Variants in AGAP1 observed in about 807,000 individuals in gnomAD.
The protein encoded by AGAP1 is ArfGAP with GTPase domain, ankyrin repeat and PH domain 1, also known as arf-GAP with GTPase, ANK repeat and PH domain-containing protein 1.
AGAP1 carries 29 observed loss-of-function variants against 105.3 expected under a neutral mutation model. The ratio of observed to expected loss-of-function variants is 0.28; its 90% CI spans 0.21 to 0.38. The LOEUF is 0.38. Ranked by LOEUF, AGAP1 falls within the 10% of genes least tolerant of loss-of-function variation. AGAP1 has a pLI of 1.00. For synonymous variants in AGAP1, 509 were observed against 485.9 expected (o/e 1.05, Z -0.63); for missense variants, 998 against 1,165.1 (o/e 0.86, Z 2.09).
rs1003260240 is a variant in AGAP1, at chr2:235,799,332, G to A, written c.802-35G>A. 6.2e-7 allele frequency: 1 copy of A among 1,604,982 alleles called. No individual in the cohort carries two copies. Among genetic ancestry groups the A allele is most frequent in the Non-Finnish European group, 8.5e-7 (1 of 1,174,724 alleles). ...GTGGAGGTCTTGGGTTCCTGAGTAT[G>A]TCGTTAATGAAACCTTGGATTTTAA... On this transcript the variant is annotated intron_variant, in intron 7 of 17. Coordinates refer to ENST00000304032, the MANE Select transcript of AGAP1 (RefSeq NM_001037131.3). The surrounding 1 kb of genome is among the most constrained non-coding windows in gnomAD (Gnocchi z 5.0).
chr2:235,966,552 A>G (rs2054407570), intron 12 of AGAP1, among the ~76,000 whole-genome samples: 1 of 152,128 alleles, frequency 6.6e-6, no homozygotes, highest in Non-Finnish European at 1.5e-5. Flanking sequence ...GTAGAGGGAA[A>G]GTTGCTGAGA....
rs185124604 is a variant in AGAP1 at position 235,655,849 on chromosome 2, A to G, written c.164-53330A>G. Among the ~76,000 whole-genome samples, 126 of 152,340 alleles carry G rather than the reference A, an allele frequency of 8.3e-4. No individual in the cohort carries two copies. The highest frequency in any genetic ancestry group is 3.7e-3 in the South Asian group (18 of 4,822). On this transcript the variant is annotated intron_variant, in intron 1 of 17. Coordinates refer to ENST00000304032, the MANE Select transcript of AGAP1 (RefSeq NM_001037131.3). The surrounding 1 kb of genome is among the most constrained non-coding windows in gnomAD (Gnocchi z 4.3). ...AAGGTATTTTTTTAAGTGAGGCACC[A>G]TCCTGGATGCTGGGGAAGAATCTTT...
chr2:235,616,949 T>C (rs1946325752), intron 1 of AGAP1, among the ~76,000 whole-genome samples: 1 of 141,202 alleles, frequency 7.1e-6, no homozygotes, highest in Admixed American at 6.9e-5. Flanking sequence ...ACGTGCATCT[T>C]TAAATTTTTT....
intron 9 of AGAP1, among the ~76,000 whole-genome samples, chr2:235,839,708 C>T (rs1383319542): frequency 1.3e-5 from 2 of 152,212 alleles, no homozygotes; most frequent in African/African-American, 4.8e-5. Flanking sequence ...CCCTTAAGAA[C>T]AACCACTTTA....
chr2:235,858,794 A>G (rs2048792857), intron 9 of AGAP1, among the ~76,000 whole-genome samples: 1 of 152,194 alleles, frequency 6.6e-6, no homozygotes. Context: ...TTTTAATGCC[A>G]GCAGTAACAG....
rs1953085536 is a variant in AGAP1 at position 235,747,753 on chromosome 2, T to C, written c.539-2601T>C. ...CCGTGCTCGGCTGCTCTTTCAGGGGTTTGGCTTCCTGGGATGCCAGAGACA... is the reference window on the plus strand; with the variant it reads ...CCGTGCTCGGCTGCTCTTTCAGGGGCTTGGCTTCCTGGGATGCCAGAGACA... On this transcript the variant is annotated intron_variant, in intron 5 of 17. Transcript: ENST00000304032. This position sits in a 1 kb window ranked among gnomAD's most constrained non-coding sequence, Gnocchi z 5.0. 6.6e-6 allele frequency among the ~76,000 whole-genome samples: 1 copy of C among 152,142 alleles called. No homozygotes were observed. The highest frequency in any genetic ancestry group is 2.1e-4 in the South Asian group (1 of 4,826).
chr2:235,745,854 G>C (rs538052128), intron 5 of AGAP1, among the ~76,000 whole-genome samples: 1 of 152,324 alleles, frequency 6.6e-6, no homozygotes, highest in Admixed American at 6.5e-5. Flanking sequence ...CCAGCCAGAC[G>C]TGGTGGCTCA....
At chr2:235,948,969 C>A (rs57717783) in intron 12 of AGAP1, among the ~76,000 whole-genome samples, 1 of 152,152 alleles carries the variant, frequency 6.6e-6, no homozygotes, top group South Asian at 2.1e-4. Context: ...GTCCACAATA[C>A]GATGAATCAC....
In AGAP1 at chr2:235,642,248, A is replaced by G. The variant is rs562321547; in HGVS notation, c.164-66931A>G. Among the ~76,000 whole-genome samples, 3 of 152,028 alleles carry G rather than the reference A, an allele frequency of 2.0e-5. No homozygotes were observed. Among genetic ancestry groups the G allele is most frequent in the African/African-American group, 7.2e-5 (3 of 41,464 alleles). On this transcript the variant is annotated intron_variant, in intron 1 of 17. Transcript: ENST00000304032. This position sits in a 1 kb window ranked among gnomAD's most constrained non-coding sequence, Gnocchi z 4.1. ...AATGGGATCTCTTTCCTGAGTGCGCATTTCTTTCCTCACATTTGGGGGCAT... is the reference window on the plus strand; with the variant it reads ...AATGGGATCTCTTTCCTGAGTGCGCGTTTCTTTCCTCACATTTGGGGGCAT...
intron 9 of AGAP1, among the ~76,000 whole-genome samples, chr2:235,831,195 A>C (rs1394531797): frequency 6.6e-6 from 1 of 151,828 alleles, no homozygotes; most frequent in African/African-American, 2.4e-5. Context: ...AAAAAAAAAA[A>C]AAAAAAACAG....
intron 1 of AGAP1, among the ~76,000 whole-genome samples, chr2:235,532,155 A>G (rs1943067234): frequency 6.6e-6 from 1 of 152,234 alleles, no homozygotes; most frequent in African/African-American, 2.4e-5. Context: ...GTTGCCTATA[A>G]TTCTTCTAGC....
chr2:235,509,458 C>A (rs2149023727), intron 1 of AGAP1, among the ~76,000 whole-genome samples: 1 of 152,192 alleles, frequency 6.6e-6, no homozygotes, highest in Admixed American at 6.5e-5. Flanking sequence ...GTCTCGAACT[C>A]CTGACCTCAA....
chr2:236,042,673 G>A lies in AGAP1; in HGVS notation c.1891+1832G>A, dbSNP rs777212944. Among the ~76,000 whole-genome samples the A allele has an allele frequency of 3.9e-5, 6 of 152,096 alleles. No individual in the cohort carries two copies. The highest frequency in any genetic ancestry group is 8.8e-5 in the Non-Finnish European group (6 of 68,016). ...ATACCTGGCAAATCGGAGGTCGCAG[G>A]TCCTGTCTGAGATGAGCTTGTGCAT... On this transcript the variant is annotated intron_variant, in intron 15 of 17. Transcript: ENST00000304032. The surrounding 1 kb of genome is among the most constrained non-coding windows in gnomAD (Gnocchi z 5.6).
rs1957123471 is a variant in AGAP1, at chr2:235,793,995, G to A, written c.674-3764G>A. Reference sequence around the variant, plus strand: ...TGGAAACATACATGAAAGTGTATTTGGGCTTAAAAAGTTGTCACAAAATTA... The same window carrying A: ...TGGAAACATACATGAAAGTGTATTTAGGCTTAAAAAGTTGTCACAAAATTA... On this transcript the variant is annotated intron_variant, in intron 6 of 17. Transcript: ENST00000304032. This position sits in a 1 kb window ranked among gnomAD's most constrained non-coding sequence, Gnocchi z 5.3. Among the ~76,000 whole-genome samples, 1 of 151,766 alleles carries A rather than the reference G, an allele frequency of 6.6e-6. No individual in the cohort carries two copies. Among genetic ancestry groups the A allele is most frequent in the Non-Finnish European group, 1.5e-5 (1 of 67,970 alleles).
intron 11 of AGAP1, among the ~76,000 whole-genome samples, chr2:235,923,605 G>T (rs1451358909): frequency 1.4e-5 from 2 of 144,930 alleles, no homozygotes; most frequent in African/African-American, 2.6e-5. Flanking sequence ...GATCCTAACA[G>T]TTGGCACTCT....
At chr2:235,836,275 T>C (rs1408265007) in intron 9 of AGAP1, among the ~76,000 whole-genome samples, 1 of 152,218 alleles carries the variant, frequency 6.6e-6, no homozygotes, top group Non-Finnish European at 1.5e-5. Flanking sequence ...AATTCTTTGG[T>C]AAAGGTACAG....
intron 1 of AGAP1, among the ~76,000 whole-genome samples, chr2:235,684,035 C>CTT (rs139577153): frequency 6.6e-6 from 1 of 151,774 alleles, no homozygotes; most frequent in African/African-American, 2.4e-5. Context: ...TGAACTCATC[C>CTT]TTTTTTTGTT....
chr2:236,040,530 A>C lies in AGAP1; in HGVS notation c.1801-221A>C. On this transcript the variant is annotated intron_variant, in intron 14 of 17. Coordinates refer to ENST00000304032, the MANE Select transcript of AGAP1 (RefSeq NM_001037131.3). The surrounding 1 kb of genome is among the most constrained non-coding windows in gnomAD (Gnocchi z 5.6). ...CTGGCAGAGTCCGTCTCAGCTGATG[A>C]GTTAAAATGTGACATTTCCTCCCTC... is the stretch of plus-strand genomic sequence containing the variant. The C allele has an allele frequency of 5.7e-6, 3 of 527,002 alleles. No homozygotes were observed. Among genetic ancestry groups the C allele is most frequent in the Non-Finnish European group, 6.8e-6 (2 of 292,082 alleles). The allele number at this position is 527,002 out of a possible 1,614,324, so 32.6% of individuals were successfully genotyped here. A position where few individuals can be genotyped will look rare whatever the true frequency, so the allele number is the denominator to read the frequency against.
chr2:236,106,785 C>G (rs573051972), intron 16 of AGAP1, among the ~76,000 whole-genome samples: 1 of 152,228 alleles, frequency 6.6e-6, no homozygotes, highest in South Asian at 2.1e-4. Flanking sequence ...GTCAAGAGGA[C>G]CAGGCAAGGT....
Sources: allele counts gnomAD v4.1 joint callset (sites outside exome capture counted in the v4.1 genomes callset), GRCh38; gene constraint gnomAD v4.1.1; non-coding constraint Gnocchi (gnomAD v3.1); transcripts MANE v1.5; gene names NCBI Gene and HGNC (gene_info 2026-07-23, HGNC 2026-07-21).